The following CAMTA2 variants were observed in gnomAD, a reference collection of about 807,000 sequenced individuals.
CAMTA2 encodes calmodulin-binding transcription activator 2.
In CAMTA2, 56 loss-of-function variants were observed where a neutral mutation model predicts 135.7. The ratio of observed to expected loss-of-function variants is 0.41; its 90% CI spans 0.33 to 0.52. The LOEUF is 0.52. Ranked by LOEUF, CAMTA2 falls within the 20% of genes least tolerant of loss-of-function variation. The pLI, the probability that CAMTA2 is intolerant of heterozygous loss-of-function variation, is 0.16. For missense variants in CAMTA2, 1,358 were observed against 1,553.4 expected, an observed-to-expected ratio of 0.87 and a Z score of 2.11; for synonymous variants, 591 against 604.6, an observed-to-expected ratio of 0.98 and a Z score of 0.33.
intron 16 of CAMTA2, among the ~76,000 whole-genome samples, chr17:4,970,827 C>T (rs1174885467): frequency 6.6e-6 from 1 of 152,244 alleles, no homozygotes; most frequent in South Asian, 2.1e-4. Flanking sequence ...CACTGTCCTA[C>T]CTGGGCCTGC....
intron 8 of CAMTA2, 93 bp downstream of exon 8, chr17:4,981,120 TTGCAAATCAGCA>T: frequency 7.2e-7 from 1 of 1,394,352 alleles, no homozygotes; most frequent in East Asian, 2.3e-5. Flanking sequence ...TGCAAAAGAC[TTGCAAATCAGCA>T]TGCAAATCCC....
chr17:4,979,768 A>G lies in CAMTA2; in HGVS notation c.1554T>C (p.Ala518=). 6.2e-7 allele frequency: 1 copy of G among 1,614,032 alleles called. No individual in the cohort carries two copies. The highest frequency in any genetic ancestry group is 8.5e-7 in the Non-Finnish European group (1 of 1,179,990). The change falls in exon 9 of 23, where the codon GCT becomes GCC. Residue 518 remains alanine, a synonymous_variant. Coordinates refer to ENST00000348066, the MANE Select transcript of CAMTA2 (RefSeq NM_015099.4). ...DLMGELISDE[A]PSIPAPTPQL... ...GGGGGGTCGGAGCAGGGATGCTTGGAGCTTCGTCACTGATGAGTTCTCCCA... is the reference window on the plus strand; with the variant it reads ...GGGGGGTCGGAGCAGGGATGCTTGGGGCTTCGTCACTGATGAGTTCTCCCA...
chr17:4,983,087 A>G, intron 3 of CAMTA2, 44 bp from the exon 4 acceptor site: 1 of 1,533,476 alleles, frequency 6.5e-7, no homozygotes. Flanking sequence ...CTTCACAGAG[A>G]GTCTCAGCCT....
intron 16 of CAMTA2, among the ~76,000 whole-genome samples, chr17:4,971,135 A>G (rs1248573489): frequency 6.6e-6 from 1 of 152,222 alleles, no homozygotes; most frequent in Non-Finnish European, 1.5e-5. Flanking sequence ...GTACAAGGCT[A>G]TACTTGAAGA....
chr17:4,980,389 A>G lies in CAMTA2; in HGVS notation c.933T>C (p.Pro311=), dbSNP rs780141593. 9 of 1,613,862 alleles carry G rather than the reference A, an allele frequency of 5.6e-6. No homozygotes were observed. Among genetic ancestry groups the G allele is most frequent in the Non-Finnish European group, 7.6e-6 (9 of 1,179,954 alleles). Residue 311 remains proline, a synonymous_variant, in exon 9 of 23, where the codon CCT becomes CCC. Transcript: ENST00000348066. The surrounding 1 kb of genome is among the most constrained non-coding windows in gnomAD (Gnocchi z 5.3). ...TTGAAGAACCCCCTCGAGAAGTGGG[A>G]GGGCTAGGTCTGATTTCTAGGGGCT... is the stretch of plus-strand genomic sequence containing the variant. ...FAEPLEIRPS[P]PTSRGGSSRG...
At chr17:4,976,298 G>A (rs1316309381) in intron 11 of CAMTA2, among the ~76,000 whole-genome samples, 3 of 151,936 alleles carry the variant, frequency 2.0e-5, no homozygotes, top group Admixed American at 1.3e-4. Context: ...GAGCCACCGC[G>A]CCCAGCCAGA....
rs762597834 is a variant in CAMTA2, at chr17:4,969,186, G to A, written c.3434C>T (p.Pro1145Leu). The change falls in exon 21 of 23, where the codon CCC becomes CTC. Residue 1145 changes from proline to leucine, a missense_variant. Physicochemically the swap from Pro to Leu is moderately conservative, Grantham distance 98. Transcript: ENST00000348066. The surrounding 1 kb of genome is among the most constrained non-coding windows in gnomAD (Gnocchi z 5.6). ...YRSYRRRPGP[P>L]HRTSATLPAR... ...AGGCAGGGTGGCCGAAGTCCGGTGG[G>A]GAGGGCCGGGCCTGCGGCGGTAGGA... The A allele has an allele frequency of 1.9e-6, 3 of 1,611,022 alleles. No homozygotes were observed. Among genetic ancestry groups the A allele is most frequent in the East Asian group, 4.5e-5 (2 of 44,870 alleles).
At position 4,980,653 on chromosome 17, in the gene CAMTA2, A is replaced by G. The variant is rs1165800549; in HGVS notation, c.701-32T>C. 2 of 1,534,432 alleles carry G rather than the reference A, an allele frequency of 1.3e-6. No individual in the cohort carries two copies. Among genetic ancestry groups the G allele is most frequent in the Non-Finnish European group, 1.8e-6 (2 of 1,109,628 alleles). On this transcript the variant is annotated intron_variant, in intron 8 of 22. Transcript: ENST00000348066. This position sits in a 1 kb window ranked among gnomAD's most constrained non-coding sequence, Gnocchi z 5.3. ...TGGAGAGGAGTAGGAGGGAGAGGAGATAAGACACATCATTCCGCACCTTCT... is the reference window on the plus strand; with the variant it reads ...TGGAGAGGAGTAGGAGGGAGAGGAGGTAAGACACATCATTCCGCACCTTCT...
chr17:4,977,020 TG>T, intron 11 of CAMTA2, 37 bp downstream of exon 11: 2 of 1,610,102 alleles, frequency 1.2e-6, no homozygotes, highest in African/African-American at 1.3e-5. Context: ...TTAAAGGCTG[TG>T]GGCTGGATAC....
In CAMTA2 at chr17:4,972,449, G is replaced by A. The variant is rs1162214264; in HGVS notation, c.2591C>T (p.Pro864Leu). The change falls in exon 16 of 23, where the codon CCC becomes CTC. Residue 864 changes from proline to leucine, a missense_variant. Physicochemically the swap from Pro to Leu is moderately conservative, Grantham distance 98. Around this residue, in one of 4 missense-constraint regions of CAMTA2, gnomAD observed 1,077 missense variants for 1,127.5 expected, o/e 0.96. Transcript: ENST00000348066. ...SAYSSAPDGS[P>L]PPAPLPASEM... ...AGAGGCTGGCAGAGGTGCAGGGGGGGGACTGCCATCTGGGGCACTAGAATA... is the reference window on the plus strand; with the variant it reads ...AGAGGCTGGCAGAGGTGCAGGGGGGAGACTGCCATCTGGGGCACTAGAATA... 1 of 1,613,646 alleles carries A rather than the reference G, an allele frequency of 6.2e-7. No homozygotes were observed.
chr17:4,982,169 A>C lies in CAMTA2; in HGVS notation c.340-9T>G. 1 of 757,318 alleles carries C rather than the reference A, an allele frequency of 1.3e-6. No individual in the cohort carries two copies. Among genetic ancestry groups the C allele is most frequent in the Non-Finnish European group, 2.2e-6 (1 of 463,170 alleles). The allele number at this position is 757,318 out of a possible 1,614,324, so 46.9% of individuals were successfully genotyped here. ...TAGCAGCCATAGAGACACTGCCAGG[A>C]GACAGGCTGGGGTGGGGGGAGGGCT... On this transcript the variant is annotated splice_polypyrimidine_tract_variant and intron_variant, in intron 5 of 22. Transcript: ENST00000348066.
rs537322364 is a variant in CAMTA2 at position 4,970,431 on chromosome 17, G to C, written c.2914C>G (p.Arg972Gly). ...LPEAGASMRE[R>G]TGAVGLSETM... is the part of the protein sequence containing the mutation. The stretch of plus-strand genomic sequence containing the variant: ...TCACTGAGCCCCACAGCCCCTGTCC[G>C]CTCCCGCATTGAGGCTCCAGCCTCG... The change falls in exon 17 of 23, where the codon CGG becomes GGG. Residue 972 changes from arginine to glycine, a missense_variant. Around this residue, in one of 4 missense-constraint regions of CAMTA2, gnomAD observed 1,077 missense variants for 1,127.5 expected, o/e 0.96. Transcript: ENST00000348066. The C allele has an allele frequency of 2.0e-5, 32 of 1,613,934 alleles. No individual in the cohort carries two copies. The highest frequency in any genetic ancestry group is 3.4e-6 in the Non-Finnish European group (4 of 1,179,988).
Position 4,980,427 on chromosome 17 carries a change from A to C in CAMTA2, c.895T>G (p.Ser299Ala). The change falls in exon 9 of 23, where the codon TCA (serine) becomes GCA (alanine). Residue 299 changes from serine to alanine, a missense_variant. Ser to Ala is a moderately conservative substitution (Grantham distance 99). This residue lies in a region of CAMTA2 where 1,077 missense variants were observed against 1,127.5 expected (regional missense o/e 0.96). Transcript: ENST00000348066. This position sits in a 1 kb window ranked among gnomAD's most constrained non-coding sequence, Gnocchi z 5.3. ...SPSSSSSSSS[S>A]GFAEPLEIRP... Reference sequence around the variant, plus strand: ...ATTTCTAGGGGCTCTGCAAAACCTGATGAGGAGGAAGAAGAGGAAGAAGAT... The same window carrying C: ...ATTTCTAGGGGCTCTGCAAAACCTGCTGAGGAGGAAGAAGAGGAAGAAGAT... 6.2e-7 allele frequency: 1 copy of C among 1,610,532 alleles called. No individual in the cohort carries two copies. Among genetic ancestry groups the C allele is most frequent in the South Asian group, 1.1e-5 (1 of 90,972 alleles).
intron 11 of CAMTA2, among the ~76,000 whole-genome samples, chr17:4,976,659 C>T (rs1021509178): frequency 3.3e-5 from 5 of 152,090 alleles, no homozygotes; most frequent in African/African-American, 1.2e-4. Context: ...TGAGATCGCG[C>T]CACTGCAGTT....
In CAMTA2 at chr17:4,980,939, A is replaced by G. The variant is rs1280498901; in HGVS notation, c.700+286T>C. ...GAACAGAACCAAGGGGGTGCCAACT[A>G]GGAGGAAGGCTAAGGCTGGGTGTCA... On this transcript the variant is annotated intron_variant, in intron 8 of 22. Coordinates refer to ENST00000348066, the MANE Select transcript of CAMTA2 (RefSeq NM_015099.4). The surrounding 1 kb of genome is among the most constrained non-coding windows in gnomAD (Gnocchi z 5.3). Among the ~76,000 whole-genome samples the G allele has an allele frequency of 6.6e-6, 1 of 152,172 alleles. No homozygotes were observed. The highest frequency in any genetic ancestry group is 1.5e-5 in the Non-Finnish European group (1 of 68,024).
At chr17:4,981,156 T>C (rs1972934390) in intron 8 of CAMTA2, 69 bp downstream of exon 8, 1 of 1,544,152 alleles carries the variant, frequency 6.5e-7, no homozygotes, top group Non-Finnish European at 8.8e-7. Context: ...AAGATGGATA[T>C]CCCCCTGGCT....
chr17:4,970,056 G>A lies in CAMTA2; in HGVS notation c.3035C>T (p.Ala1012Val), dbSNP rs761144635. 13 of 1,614,144 alleles carry A rather than the reference G, an allele frequency of 8.1e-6. No homozygotes were observed. Among genetic ancestry groups the A allele is most frequent in the Middle Eastern group, 1.6e-4 (1 of 6,062 alleles). Reference protein sequence around the residue: ...SELPFERGRLAVPSAPSWAEF... With the variant: ...SELPFERGRLVVPSAPSWAEF... ...TGCCCAGGAGGGTGCTGAAGGGACA[G>A]CCAGGCGACCTCGCTCAAAGGGCAG... Residue 1012 changes from alanine to valine, a missense_variant, in exon 18 of 23, where the codon GCT (alanine) becomes GTT (valine). Physicochemically the swap from Ala to Val is moderately conservative, Grantham distance 64. Transcript: ENST00000348066.
At position 4,981,659 on chromosome 17, in the gene CAMTA2, C is replaced by A; in HGVS notation, c.565+19G>T. 4 of 1,578,502 alleles carry A rather than the reference C, an allele frequency of 2.5e-6. No homozygotes were observed. Among genetic ancestry groups the A allele is most frequent in the Non-Finnish European group, 3.4e-6 (4 of 1,159,450 alleles). ...TTCTACTCTCCCCTTGGAGCTCTAT[C>A]CCCACCCTGCTGCCTTACACATGGG... On this transcript the variant is annotated intron_variant, in intron 7 of 22. Transcript: ENST00000348066.
In CAMTA2 at chr17:4,980,112, C is replaced by G; in HGVS notation, c.1210G>C (p.Glu404Gln). The change falls in exon 9 of 23, where the codon GAG (glutamate) becomes CAG (glutamine). Residue 404 changes from glutamate (E) to glutamine (Q), a missense_variant. Glu to Gln is a conservative substitution (Grantham distance 29). Coordinates refer to ENST00000348066, the MANE Select transcript of CAMTA2 (RefSeq NM_015099.4). The surrounding 1 kb of genome is among the most constrained non-coding windows in gnomAD (Gnocchi z 5.3). ...QGVSPDFPEA[E>Q]AAHTPCSALE... is the part of the protein sequence containing the mutation. ...GCAGAACAGGGGGTATGAGCGGCCTCTGCCTCGGGGAAGTCTGGGCTTACT... is the reference window on the plus strand; with the variant it reads ...GCAGAACAGGGGGTATGAGCGGCCTGTGCCTCGGGGAAGTCTGGGCTTACT... The G allele has an allele frequency of 6.2e-7, 1 of 1,608,884 alleles. No individual in the cohort carries two copies. The highest frequency in any genetic ancestry group is 8.5e-7 in the Non-Finnish European group (1 of 1,176,812).
Sources: allele counts gnomAD v4.1 joint callset (sites outside exome capture counted in the v4.1 genomes callset), GRCh38; gene constraint gnomAD v4.1.1; regional missense constraint gnomAD v4.1.1; non-coding constraint Gnocchi (gnomAD v3.1); transcripts MANE v1.5; gene names NCBI Gene and HGNC (gene_info 2026-07-23, HGNC 2026-07-21).